The following NHSL1 variants were observed in gnomAD, a reference collection of about 807,000 sequenced individuals.
NHSL1 encodes the protein NHS-like protein 1.
NHSL1 carries 48 observed loss-of-function variants against 95.0 expected under a neutral mutation model. The ratio of observed to expected loss-of-function variants is 0.51; its 90% confidence interval spans 0.40 to 0.64. The LOEUF is 0.64. NHSL1 is among the 30% of genes least tolerant of loss of function. The pLI, the probability that NHSL1 is intolerant of heterozygous loss-of-function variation, is 0.00. For synonymous variants in NHSL1, 783 were observed against 833.9 expected, an observed-to-expected ratio of 0.94 and a Z score of 1.05; for missense variants, 1,971 against 2,077.7, an observed-to-expected ratio of 0.95 and a Z score of 1.00.
intron 1 of NHSL1, among the ~76,000 whole-genome samples, chr6:138,656,899 C>T (rs1181429216): frequency 1.3e-5 from 2 of 152,152 alleles, no homozygotes; most frequent in Non-Finnish European, 2.9e-5. Context: ...GATGCAAATC[C>T]TCAGTGTGCC....
chr6:138,615,179 G>A (rs759347582), intron 1 of NHSL1, among the ~76,000 whole-genome samples: 1 of 152,160 alleles, frequency 6.6e-6, no homozygotes, highest in Non-Finnish European at 1.5e-5. Context: ...CCATCCATCC[G>A]TATTGTCTCT....
chr6:138,464,368 C>T (rs745893584), intron 3 of NHSL1: 52 of 463,336 alleles, frequency 1.1e-4, no homozygotes, highest in African/African-American at 9.7e-4. Context: ...TGGTCGCCAT[C>T]GCTGCCTTCG....
intron 3 of NHSL1, chr6:138,464,336 G>C (rs1343238126): frequency 1.8e-6 from 1 of 550,712 alleles, no homozygotes; most frequent in African/African-American, 1.9e-5. Flanking sequence ...GGAGCTCCAC[G>C]GCCTGGAGGC....
chr6:138,474,167 C>T (rs547444751), intron 2 of NHSL1, among the ~76,000 whole-genome samples: 165 of 152,272 alleles, frequency 1.1e-3, no homozygotes, highest in Non-Finnish European at 1.7e-3. Flanking sequence ...GGGGCCGGTG[C>T]TGTAAGAAAA....
chr6:138,640,809 G>C (rs189927038), intron 1 of NHSL1, among the ~76,000 whole-genome samples: 1 of 152,068 alleles, frequency 6.6e-6, no homozygotes, highest in Admixed American at 6.6e-5. Context: ...AGGGTCAACT[G>C]TATTTACTGG....
rs1156929100 is a variant in NHSL1 at position 138,482,737 on chromosome 6, C to CAGT, written c.212-9307_212-9305dup. On this transcript the variant is annotated intron_variant, in intron 2 of 7. Transcript: ENST00000343505. ...CACCAACGAGAGAGAAGAGCAGCAG[C>CAGT]AGTCAAGAGCACCAACTCTGAAACT... is the stretch of plus-strand genomic sequence containing the variant. Among the ~76,000 whole-genome samples, 11 of 152,278 alleles carry CAGT rather than the reference C, an allele frequency of 7.2e-5. No individual in the cohort carries two copies. In the East Asian group the frequency reaches 2.1e-3, roughly 29 times the overall value.
At chr6:138,497,325 G>T (rs150356825) in intron 1 of NHSL1, among the ~76,000 whole-genome samples, 1 of 152,270 alleles carries the variant, frequency 6.6e-6, no homozygotes, top group Non-Finnish European at 1.5e-5. Context: ...AGACTGGAAA[G>T]GTACTGGAGA....
At chr6:138,677,755 A>G (rs981751845) in intron 1 of NHSL1, among the ~76,000 whole-genome samples, 3 of 152,112 alleles carry the variant, frequency 2.0e-5, no homozygotes, top group African/African-American at 4.8e-5. Flanking sequence ...TGCTTCTCAA[A>G]CTGCTGCGTG....
At chr6:138,563,332 T>C (rs1206623898) in intron 1 of NHSL1, among the ~76,000 whole-genome samples, 2 of 152,228 alleles carry the variant, frequency 1.3e-5, no homozygotes, top group African/African-American at 4.8e-5. Context: ...CAATTTAGTA[T>C]TTTAATCATT....
At chr6:138,542,883 C>A (rs1033498797) in intron 1 of NHSL1, among the ~76,000 whole-genome samples, 3 of 152,198 alleles carry the variant, frequency 2.0e-5, no homozygotes, top group Non-Finnish European at 4.4e-5. Context: ...CCTGCCTCAG[C>A]CTCCCAAGTA....
chr6:138,424,789 T>C lies in NHSL1; in HGVS notation c.4113A>G (p.Arg1371=), dbSNP rs561454367. Residue 1371 remains arginine (R), a synonymous_variant, in exon 8 of 8, where the codon AGA becomes AGG. Coordinates refer to ENST00000343505, the MANE Select transcript of NHSL1 (RefSeq NM_001144060.2). This position sits in a 1 kb window ranked among gnomAD's most constrained non-coding sequence, Gnocchi z 5.9. ...TTCGGGAGTGGTCATCATCTGAATC[T>C]CTACGGCCGAGGACTTTCCTTTTGG... ...HRSKRKVLGR[R]DSDDDHSRNH... 1 of 1,551,228 alleles carries C rather than the reference T, an allele frequency of 6.4e-7. No homozygotes were observed. Among genetic ancestry groups the C allele is most frequent in the East Asian group, 2.4e-5 (1 of 40,898 alleles).
chr6:138,564,281 C>T (rs1025065695), intron 1 of NHSL1, among the ~76,000 whole-genome samples: 1 of 152,192 alleles, frequency 6.6e-6, no homozygotes, highest in African/African-American at 2.4e-5. Context: ...TTGCTGTCTC[C>T]ACTCTTGTTC....
chr6:138,440,398 C>G (rs1413495951), intron 5 of NHSL1, among the ~76,000 whole-genome samples: 1 of 152,174 alleles, frequency 6.6e-6, no homozygotes, highest in Non-Finnish European at 1.5e-5. Context: ...CAGGTAGCCA[C>G]AGAGGAACCA....
chr6:138,431,668 T>A lies in NHSL1; in HGVS notation c.2677A>T (p.Ile893Leu), dbSNP rs533161669. Residue 893 changes from isoleucine (I) to leucine (L), a missense_variant, in exon 6 of 8, where the codon ATA becomes TTA. Coordinates refer to ENST00000343505, the MANE Select transcript of NHSL1 (RefSeq NM_001144060.2). The surrounding 1 kb of genome is among the most constrained non-coding windows in gnomAD (Gnocchi z 4.0). The stretch of plus-strand genomic sequence containing the variant: ...GATGAGGAAATGGATACTGAAGATA[T>A]CAGAGAGGACTTCCTTTCTGGTACC... ...PKVPERKSSL[I>L]SSVSISSSST... 6.4e-7 allele frequency: 1 copy of A among 1,551,336 alleles called. No homozygotes were observed. The highest frequency in any genetic ancestry group is 8.7e-7 in the Non-Finnish European group (1 of 1,146,784).
chr6:138,517,478 T>A (rs1329603421), intron 1 of NHSL1, among the ~76,000 whole-genome samples: 1 of 152,178 alleles, frequency 6.6e-6, no homozygotes, highest in Non-Finnish European at 1.5e-5. Context: ...TACATTCTGA[T>A]AAAGAACATG....
intron 1 of NHSL1, among the ~76,000 whole-genome samples, chr6:138,663,069 A>AAG (rs1023922994): frequency 1.3e-5 from 2 of 151,848 alleles, no homozygotes; most frequent in African/African-American, 4.8e-5. Flanking sequence ...CGGCAAAAAA[A>AAG]AAAAGAAAAA....
At chr6:138,516,140 C>A (rs1320746414) in intron 1 of NHSL1, among the ~76,000 whole-genome samples, 1 of 152,220 alleles carries the variant, frequency 6.6e-6, no homozygotes, top group Non-Finnish European at 1.5e-5. Flanking sequence ...CTAAGTCTGA[C>A]TGTTGAGGTA....
intron 1 of NHSL1, among the ~76,000 whole-genome samples, chr6:138,592,060 A>G (rs1468553874): frequency 1.3e-5 from 2 of 152,188 alleles, no homozygotes; most frequent in Non-Finnish European, 2.9e-5. Context: ...TTATTCCATG[A>G]CAATAAATGC....
In NHSL1 at chr6:138,499,271, G is replaced by T; in HGVS notation, c.20C>A (p.Ala7Glu). 1 of 1,550,418 alleles carries T rather than the reference G, an allele frequency of 6.4e-7. No individual in the cohort carries two copies. Among genetic ancestry groups the T allele is most frequent in the Non-Finnish European group, 8.7e-7 (1 of 1,146,092 alleles). The change falls in exon 1 of 8, where the codon GCA (alanine) becomes GAA (glutamate). Residue 7 changes from alanine to glutamate, a missense_variant. Physicochemically the swap from Ala to Glu is moderately radical, Grantham distance 107 (BLOSUM62 -1). Around this residue, in one of 3 missense-constraint regions of NHSL1, gnomAD observed 1,602 missense variants for 1,654.5 expected, o/e 0.97. Coordinates refer to ENST00000343505, the MANE Select transcript of NHSL1 (RefSeq NM_001144060.2). MVVFIN[A>E]KIKSLIKLFK... ...AAGTTTAATTAAAGACTTAATCTTTGCATTAATGAAGACCACCATTTCCAG... is the reference window on the plus strand; with the variant it reads ...AAGTTTAATTAAAGACTTAATCTTTTCATTAATGAAGACCACCATTTCCAG...
Sources: gnomAD v4.1 joint callset for allele counts (sites outside exome capture counted in the v4.1 genomes callset) on GRCh38, gnomAD v4.1.1 for gene constraint, gnomAD v4.1.1 regional missense constraint, Gnocchi (gnomAD v3.1) non-coding constraint, MANE v1.5 for transcripts, NCBI Gene and HGNC (gene_info 2026-07-23, HGNC 2026-07-21) for gene names.